Variants in FER1L6 observed in about 807,000 individuals in gnomAD.
FER1L6 encodes the protein fer-1 like family member 6.
A neutral mutation model predicts 219.2 loss-of-function variants in FER1L6; 177 were observed. That is an observed-to-expected ratio of 0.81 (90% CI 0.71 to 0.91). The LOEUF is 0.91. FER1L6 is among the 40% of genes least tolerant of loss of function. The pLI, the probability that FER1L6 is intolerant of heterozygous loss-of-function variation, is 0.00. For missense variants in FER1L6, 2,153 were observed against 2,259.9 expected (o/e 0.95, Z 0.96); for synonymous variants, 768 against 824.3 (o/e 0.93, Z 1.17).
rs548527723 is a variant in FER1L6, at chr8:124,002,496, A to T, written c.1520-671A>T. ...GGCTAGCTTTGGAGCTCCTTCCAAAAGAGAGGAATGTTCATCTAAATCTTT... is the reference window on the plus strand; with the variant it reads ...GGCTAGCTTTGGAGCTCCTTCCAAATGAGAGGAATGTTCATCTAAATCTTT... On this transcript the variant is annotated intron_variant, in intron 12 of 40. Transcript: ENST00000522917. Among the ~76,000 whole-genome samples the T allele has an allele frequency of 4.6e-5, 7 of 152,356 alleles. No homozygotes were observed. In the South Asian group the frequency reaches 1.5e-3, roughly 32 times the overall value.
intron 1 of FER1L6, among the ~76,000 whole-genome samples, chr8:123,903,960 A>G (rs970322742): frequency 1.3e-5 from 2 of 152,172 alleles, no homozygotes; most frequent in Admixed American, 1.3e-4. Context: ...ACTTCTGCCA[A>G]TCAAATCCTC....
At chr8:123,906,869 A>C (rs2129753883) in intron 1 of FER1L6, among the ~76,000 whole-genome samples, 1 of 152,166 alleles carries the variant, frequency 6.6e-6, no homozygotes, top group South Asian at 2.1e-4. Context: ...CCTTTAAAGA[A>C]AGACCAACTG....
At chr8:124,026,229 G>A (rs1205298812) in intron 18 of FER1L6, among the ~76,000 whole-genome samples, 1 of 152,162 alleles carries the variant, frequency 6.6e-6, no homozygotes, top group Admixed American at 6.5e-5. Context: ...AGAGAAAAAT[G>A]TGTCCAAAGC....
At chr8:124,104,807 A>G (rs556165422) in intron 39 of FER1L6, among the ~76,000 whole-genome samples, 3 of 152,294 alleles carry the variant, frequency 2.0e-5, no homozygotes, top group African/African-American at 7.2e-5. Flanking sequence ...CTGTTATTTA[A>G]TCCTAATTAC....
chr8:123,978,258 C>T (rs1314451456), intron 10 of FER1L6, among the ~76,000 whole-genome samples: 2 of 152,190 alleles, frequency 1.3e-5, no homozygotes, highest in Non-Finnish European at 2.9e-5. Flanking sequence ...ATATGGCCTA[C>T]TACATATTTT....
intron 14 of FER1L6, 63 bp from the exon 15 acceptor site, chr8:124,013,368 G>C: frequency 2.3e-6 from 2 of 871,138 alleles, no homozygotes; most frequent in Admixed American, 2.8e-5. Flanking sequence ...ATTATAATTA[G>C]TATCTCTACT....
At chr8:124,021,501 G>A in intron 16 of FER1L6, 49 bp from the exon 17 acceptor site, 2 of 1,604,586 alleles carry the variant, frequency 1.2e-6, no homozygotes, top group East Asian at 2.2e-5. Context: ...GACGCTGCTT[G>A]TTGTCCAGAT....
chr8:124,051,929 C>T (rs1418012051), intron 22 of FER1L6, among the ~76,000 whole-genome samples: 2 of 152,108 alleles, frequency 1.3e-5, no homozygotes, highest in Non-Finnish European at 2.9e-5. Flanking sequence ...AAAAAGTGAG[C>T]TCTCTGTTAG....
At chr8:124,086,634 C>T (rs1285653577) in intron 33 of FER1L6, among the ~76,000 whole-genome samples, 1 of 152,104 alleles carries the variant, frequency 6.6e-6, no homozygotes, top group East Asian at 1.9e-4. Flanking sequence ...ATATACCACA[C>T]TTAGTGTTAT....
intron 39 of FER1L6, among the ~76,000 whole-genome samples, chr8:124,110,982 GCCT>G (rs1282627195): frequency 6.6e-6 from 1 of 151,990 alleles, no homozygotes; most frequent in East Asian, 1.9e-4. Context: ...ACCAAAGTTA[GCCT>G]CCTACCCTCC....
At chr8:123,957,359 G>C (rs1815069236) in intron 2 of FER1L6, among the ~76,000 whole-genome samples, 1 of 152,186 alleles carries the variant, frequency 6.6e-6, no homozygotes, top group Non-Finnish European at 1.5e-5. Context: ...AACTTCCAGG[G>C]AGTGGGTGGA....
intron 11 of FER1L6, among the ~76,000 whole-genome samples, chr8:123,983,777 C>T (rs1422912366): frequency 1.3e-5 from 2 of 152,130 alleles, no homozygotes; most frequent in Non-Finnish European, 2.9e-5. Context: ...TGAATATATG[C>T]AAATATGCTC....
Position 123,852,120 on chromosome 8 carries a change from T to TGGAA in FER1L6, c.-72_-71insGAAG, listed in dbSNP as rs1391242639. 1 of 152,222 alleles carries TGGAA rather than the reference T, an allele frequency of 6.6e-6. No individual in the cohort carries two copies. The highest frequency in any genetic ancestry group is 1.5e-5 in the Non-Finnish European group (1 of 68,062). 9.4% of individuals were successfully genotyped at this position (152,222 alleles called of 1,614,324 possible). On this transcript the variant is annotated 5_prime_UTR_variant, in exon 1 of 41. Coordinates refer to ENST00000522917, the MANE Select transcript of FER1L6 (RefSeq NM_001039112.2). The surrounding 1 kb of genome is among the most constrained non-coding windows in gnomAD (Gnocchi z 4.9). ...GAACCCACTGCTGCGCTTCATTTGC[T>TGGAA]GTGAAGTGAGTCCCTTGATCAGAGC...
intron 1 of FER1L6, among the ~76,000 whole-genome samples, chr8:123,928,383 T>A (rs1586476222): frequency 1.3e-5 from 2 of 152,336 alleles, no homozygotes; most frequent in East Asian, 3.9e-4. Flanking sequence ...ACCAACCAGA[T>A]GGCTTGCATT....
chr8:124,067,684 A>G, intron 27 of FER1L6, 83 bp from the exon 28 acceptor site: 3 of 1,197,626 alleles, frequency 2.5e-6, no homozygotes, highest in African/African-American at 1.6e-5. Context: ...GTCTCTGGGA[A>G]TGCAGAGGGC....
chr8:124,008,348 A>C (rs1480071930), intron 13 of FER1L6, among the ~76,000 whole-genome samples: 2 of 152,166 alleles, frequency 1.3e-5, no homozygotes, highest in African/African-American at 4.8e-5. Context: ...CCACTCATTG[A>C]TTGATGGGCA....
In FER1L6 at chr8:124,055,050, G is replaced by C. The variant is rs139936600; in HGVS notation, c.2875-5130G>C. On this transcript the variant is annotated intron_variant, in intron 22 of 40. Coordinates refer to ENST00000522917, the MANE Select transcript of FER1L6 (RefSeq NM_001039112.2). ...GGGCTCTGCATATATCTTAAAGGTA[G>C]AGTCTTTTGGATCAACTGATGAGAT... 4.0e-3 allele frequency among the ~76,000 whole-genome samples: 610 copies of C among 152,272 alleles called. 3 individuals are homozygous for C. Among genetic ancestry groups the C allele is most frequent in the African/African-American group, 0.014 (579 of 41,556 alleles).
chr8:123,881,466 C>T (rs1484334419), intron 1 of FER1L6, among the ~76,000 whole-genome samples: 3 of 151,972 alleles, frequency 2.0e-5, no homozygotes, highest in East Asian at 1.9e-4. Context: ...ATATTTAGTC[C>T]GAGTGAAGAG....
chr8:124,060,042 A>G (rs887436521), intron 22 of FER1L6, 138 bp from the exon 23 acceptor site: 3 of 657,154 alleles, frequency 4.6e-6, no homozygotes, highest in Non-Finnish European at 5.4e-6. Context: ...GGTAAAATGC[A>G]TGGTCCTTGT....
Sources: allele counts gnomAD v4.1 joint callset (sites outside exome capture counted in the v4.1 genomes callset), GRCh38; gene constraint gnomAD v4.1.1; non-coding constraint Gnocchi (gnomAD v3.1); transcripts MANE v1.5; gene names NCBI Gene and HGNC (gene_info 2026-07-23, HGNC 2026-07-21).